Variants in GATD1 observed in about 807,000 individuals in gnomAD.
GATD1 encodes the protein glutamine amidotransferase class 1 domain containing 1, also known as glutamine amidotransferase-like class 1 domain-containing protein 1.
GATD1 carries 23 observed loss-of-function variants against 25.9 expected under a neutral mutation model. The observed-to-expected ratio is 0.89, with a 90% CI of 0.64 to 1.26. The LOEUF is 1.26. GATD1 is among the 50% of genes most tolerant of loss of function. The pLI is 0.00. For missense variants in GATD1, 347 were observed against 312.5 expected, an observed-to-expected ratio of 1.11 and a Z score of -0.83; for synonymous variants, 177 against 134.6, an observed-to-expected ratio of 1.31 and a Z score of -2.18.
At chr11:771,194 T>C in intron 6 of GATD1, 90 bp from the exon 7 acceptor site, 2 of 1,544,486 alleles carry the variant, frequency 1.3e-6, no homozygotes, top group South Asian at 2.4e-5. Flanking sequence ...GGGTCAGCAG[T>C]AGGTCAGCCT....
At chr11:774,136 C>T (rs764688047) in intron 2 of GATD1, 23 bp from the exon 3 acceptor site, 1 of 1,597,000 alleles carries the variant, frequency 6.3e-7, no homozygotes, top group Non-Finnish European at 8.6e-7. Context: ...AGCCCAGGGG[C>T]CGAGGGTCAG....
intron 1 of GATD1, 117 bp downstream of exon 1, chr11:777,282 C>G: frequency 2.5e-6 from 2 of 806,046 alleles, no homozygotes; most frequent in Admixed American, 4.8e-5. Flanking sequence ...CCGGCGCCCC[C>G]AGCGGCCTCG....
chr11:773,957 C>G (rs1350729655), intron 3 of GATD1, 51 bp downstream of exon 3: 7 of 1,533,746 alleles, frequency 4.6e-6, no homozygotes. Flanking sequence ...GAACCCTTGA[C>G]CCTCCAAGGT....
Position 777,452 on chromosome 11 carries a change from TCGGA to T in GATD1, c.7_10del (p.Glu4GlyfsTer52). ...ACAGGCGGGCCTGTTAGGGAGCCGC[TCGGA>T]CGCCATGGCTCGGGCTCGGCGCTGG... On this transcript the variant is annotated frameshift_variant, in exon 1 of 8. Transcript: ENST00000319863. LOFTEE classifies it high-confidence loss of function. 1 of 1,249,600 alleles carries T rather than the reference TCGGA, an allele frequency of 8.0e-7. No individual in the cohort carries two copies. Among genetic ancestry groups the T allele is most frequent in the Non-Finnish European group, 1.0e-6 (1 of 996,810 alleles). 77.4% of individuals were successfully genotyped at this position (1,249,600 alleles called of 1,614,324 possible).
In GATD1 at chr11:771,365, T is replaced by C; in HGVS notation, c.512A>G (p.Asp171Gly). ...GFARLPLVVE[D>G]FVKDSGACFS... ...GCAGGCGCCCGAATCCTTCACGAAG[T>C]CCTCCACCACGAGCGGCAGGCGGGC... Residue 171 changes from aspartate (D) to glycine (G), a missense_variant, in exon 6 of 8, where the codon GAC becomes GGC. Transcript: ENST00000319863. The C allele has an allele frequency of 6.3e-7, 1 of 1,591,480 alleles. No individual in the cohort carries two copies. Among genetic ancestry groups the C allele is most frequent in the Non-Finnish European group, 8.6e-7 (1 of 1,168,642 alleles).
rs1159919027 is a variant in GATD1 at position 769,216 on chromosome 11, C to T, written c.*1681G>A. On this transcript the variant is annotated 3_prime_UTR_variant, in exon 8 of 8. Transcript: ENST00000319863. ...GGCCAGTGCTAAGTGGGCATCCTGA[C>T]TAATCTGCGAGGCACTGGAGGGACG... The T allele has an allele frequency of 1.0e-6, 1 of 985,512 alleles. No homozygotes were observed. The highest frequency in any genetic ancestry group is 1.2e-6 in the Non-Finnish European group (1 of 829,956). The allele number at this position is 985,512 out of a possible 1,614,324, so 61.0% of individuals were successfully genotyped here.
At chr11:773,353 G>C (rs1025324013) in intron 4 of GATD1, 169 bp downstream of exon 4, 3 of 606,120 alleles carry the variant, frequency 4.9e-6, no homozygotes, top group Non-Finnish European at 8.7e-6. Context: ...TGTGTGTGTC[G>C]GGGGAAGGGG....
At chr11:771,303 G>C (rs754508203) in intron 6 of GATD1, 30 bp downstream of exon 6, 20 of 1,603,294 alleles carry the variant, frequency 1.2e-5, no homozygotes, top group Middle Eastern at 1.7e-4. Flanking sequence ...CCCATCTTCT[G>C]TAAGTGCAGG....
intron 5 of GATD1, among the ~76,000 whole-genome samples, chr11:772,123 C>G (rs1389162990): frequency 6.6e-6 from 1 of 152,198 alleles, no homozygotes; most frequent in Non-Finnish European, 1.5e-5. Flanking sequence ...CCTCCCTCCC[C>G]ACGTCCCCTG....
intron 1 of GATD1, among the ~76,000 whole-genome samples, chr11:776,481 G>A (rs1299112512): frequency 6.6e-6 from 1 of 151,910 alleles, no homozygotes; most frequent in African/African-American, 2.4e-5. Context: ...TACCTGCTCT[G>A]GAAACAAGCC....
rs918838720 is a variant in GATD1 at position 767,399 on chromosome 11, C to T, written c.*3498G>A. 20 of 1,528,776 alleles carry T rather than the reference C, an allele frequency of 1.3e-5. No homozygotes were observed. The highest frequency in any genetic ancestry group is 4.1e-5 in the African/African-American group (3 of 72,756). The allele number at this position is 1,528,776 out of a possible 1,614,324, so 94.7% of individuals were successfully genotyped here. On this transcript the variant is annotated 3_prime_UTR_variant, in exon 8 of 8. Transcript: ENST00000319863. Reference sequence around the variant, plus strand: ...CTGGCAAAGAGAGAACTGTGCACAGCGGGGAGGCTCTCCAAGCCAGAGGCC... The same window carrying T: ...CTGGCAAAGAGAGAACTGTGCACAGTGGGGAGGCTCTCCAAGCCAGAGGCC...
At chr11:775,972 C>CT (rs1863921898) in intron 1 of GATD1, among the ~76,000 whole-genome samples, 4 of 109,626 alleles carry the variant, frequency 3.6e-5, no homozygotes, top group East Asian at 2.7e-4. Context: ...TTTTTATCTT[C>CT]ATTCTTTTTT....
intron 4 of GATD1, among the ~76,000 whole-genome samples, chr11:772,781 GAC>G (rs1863583767): frequency 6.6e-6 from 1 of 152,228 alleles, no homozygotes; most frequent in South Asian, 2.1e-4. Context: ...TGGCAGCCGA[GAC>G]ACACGCAGAG....
Position 770,410 on chromosome 11 carries a change from C to G in GATD1, c.*487G>C. The stretch of plus-strand genomic sequence containing the variant: ...GGAGGCTGCTGCTCCTAAAAAATTC[C>G]GTTCACCTTTGGCCAAAGTTCTGAG... On this transcript the variant is annotated 3_prime_UTR_variant, in exon 8 of 8. Coordinates refer to ENST00000319863, the MANE Select transcript of GATD1 (RefSeq NM_182612.4). The G allele has an allele frequency of 6.6e-7, 1 of 1,520,496 alleles. No homozygotes were observed. The highest frequency in any genetic ancestry group is 1.2e-5 in the South Asian group (1 of 82,766). 94.2% of individuals were successfully genotyped at this position (1,520,496 alleles called of 1,614,324 possible).
At position 767,587 on chromosome 11, in the gene GATD1, G is replaced by C. The variant is rs1254116767; in HGVS notation, c.*3310C>G. 15 of 1,403,780 alleles carry C rather than the reference G, an allele frequency of 1.1e-5. No individual in the cohort carries two copies. The highest frequency in any genetic ancestry group is 1.4e-5 in the African/African-American group (1 of 69,132). The allele number at this position is 1,403,780 out of a possible 1,614,324, so 87.0% of individuals were successfully genotyped here. ...ATCTGGCTGACCAGAGGGGCTCAAT[G>C]AGGCTCACTGGCTCTTCATGCACCC... On this transcript the variant is annotated 3_prime_UTR_variant, in exon 8 of 8. Transcript: ENST00000319863.
rs758669774 is a variant in GATD1, at chr11:776,506, C to A, written c.64+893G>T. 6.6e-5 allele frequency among the ~76,000 whole-genome samples: 10 copies of A among 151,838 alleles called. No homozygotes were observed. In the South Asian group the frequency reaches 1.3e-3, roughly 19 times the overall value. On this transcript the variant is annotated intron_variant, in intron 1 of 7. Transcript: ENST00000319863. ...GGAAACAAGCCCCAACCCACCCCCCCAGGACTGAACCCCACTCGAGGCTCC... is the reference window on the plus strand; with the variant it reads ...GGAAACAAGCCCCAACCCACCCCCCAAGGACTGAACCCCACTCGAGGCTCC...
chr11:770,566 T>G lies in GATD1; in HGVS notation c.*331A>C, dbSNP rs1003014469. 27 of 1,410,978 alleles carry G rather than the reference T, an allele frequency of 1.9e-5. No homozygotes were observed. Among genetic ancestry groups the G allele is most frequent in the Admixed American group, 2.9e-5 (1 of 34,476 alleles). The allele number at this position is 1,410,978 out of a possible 1,614,324, so 87.4% of individuals were successfully genotyped here. A position where few individuals can be genotyped will look rare whatever the true frequency, so the allele number is the denominator to read the frequency against. On this transcript the variant is annotated 3_prime_UTR_variant, in exon 8 of 8. Coordinates refer to ENST00000319863, the MANE Select transcript of GATD1 (RefSeq NM_182612.4). ...CGAGCCGACTCTGTCTAGTCAACAGTGACCACACGTGACAACCAGTCCTCC... is the reference window on the plus strand; with the variant it reads ...CGAGCCGACTCTGTCTAGTCAACAGGGACCACACGTGACAACCAGTCCTCC...
intron 2 of GATD1, 53 bp downstream of exon 2, chr11:775,013 A>G: frequency 6.6e-7 from 1 of 1,513,282 alleles, no homozygotes; most frequent in South Asian, 1.2e-5. Flanking sequence ...TTGCCCCCGG[A>G]GAGGTGGAGA....
In GATD1 at chr11:772,511, G is replaced by A. The variant is rs778701870; in HGVS notation, c.366C>T (p.Cys122=). ...GGGCGGCGACACCGTGGCCGACGGC[G>A]CAGATGGGTTCTGAAAGCCGTACAT... ...QHFHSESKPI[C]AVGHGVAALC... is the part of the protein sequence containing the mutation. Residue 122 remains cysteine (C), a synonymous_variant, in exon 5 of 8, where the codon TGC becomes TGT. Transcript: ENST00000319863. 1.1e-5 allele frequency: 18 copies of A among 1,611,132 alleles called. No homozygotes were observed. The highest frequency in any genetic ancestry group is 1.6e-4 in the Middle Eastern group (1 of 6,084).
Sources: gnomAD v4.1 joint callset for allele counts (sites outside exome capture counted in the v4.1 genomes callset) on GRCh38, gnomAD v4.1.1 for gene constraint, MANE v1.5 for transcripts, NCBI Gene and HGNC (gene_info 2026-07-23, HGNC 2026-07-21) for gene names.